The following NCOA3 variants were observed in gnomAD, a reference collection of about 807,000 sequenced individuals.
NCOA3 encodes nuclear receptor coactivator 3, also known as CBP-interacting protein.
In NCOA3, 51 loss-of-function variants were observed where a neutral mutation model predicts 158.8. The observed-to-expected ratio is 0.32, with a 90% CI of 0.26 to 0.41. The LOEUF is 0.41. NCOA3 is among the 10% of genes least tolerant of loss of function. NCOA3 has a pLI of 1.00. For missense variants in NCOA3, 1,510 were observed against 1,746.6 expected, an observed-to-expected ratio of 0.86 and a Z score of 2.41; for synonymous variants, 537 against 592.4, an observed-to-expected ratio of 0.91 and a Z score of 1.36.
intron 1 of NCOA3, among the ~76,000 whole-genome samples, chr20:47,552,907 T>A (rs1269676862): frequency 6.6e-6 from 1 of 151,270 alleles, no homozygotes; most frequent in Non-Finnish European, 1.5e-5. Context: ...AACAAAAACA[T>A]GCTTTTCAAA....
chr20:47,523,018 G>A (rs191429122), intron 1 of NCOA3, among the ~76,000 whole-genome samples: 1 of 151,992 alleles, frequency 6.6e-6, no homozygotes, highest in African/African-American at 2.4e-5. Context: ...GTGAAACCCC[G>A]TCTCTACTAA....
rs2086866819 is a variant in NCOA3 at position 47,656,011 on chromosome 20, G to T, written c.*2594G>T. The T allele has an allele frequency of 1.3e-5, 2 of 151,576 alleles. No homozygotes were observed. The highest frequency in any genetic ancestry group is 4.2e-4 in the South Asian group (2 of 4,800). The allele number at this position is 151,576 out of a possible 1,614,324, so 9.4% of individuals were successfully genotyped here. A position where few individuals can be genotyped will look rare whatever the true frequency, so the allele number is the denominator to read the frequency against. ...TTAGGTAATTCTTTGTACTCCTGCT[G>T]TCTACCTCTCCTCACACCCCAGCAC... On this transcript the variant is annotated 3_prime_UTR_variant, in exon 23 of 23. Coordinates refer to ENST00000371998, the MANE Select transcript of NCOA3 (RefSeq NM_181659.3).
intron 1 of NCOA3, among the ~76,000 whole-genome samples, chr20:47,511,105 C>T (rs2084116030): frequency 6.6e-6 from 1 of 152,040 alleles, no homozygotes; most frequent in Non-Finnish European, 1.5e-5. Context: ...ACTCATATCA[C>T]TTCAGTACAA....
chr20:47,534,455 T>C (rs1384291235), intron 1 of NCOA3, among the ~76,000 whole-genome samples: 2 of 152,320 alleles, frequency 1.3e-5, no homozygotes, highest in South Asian at 2.1e-4. Context: ...ATCCTTTTAC[T>C]GGATCATGCT....
chr20:47,612,055 G>A (rs1425466430), intron 2 of NCOA3, among the ~76,000 whole-genome samples: 2 of 152,108 alleles, frequency 1.3e-5, no homozygotes, highest in East Asian at 1.9e-4. Context: ...TTGAAGTCCC[G>A]GGTTCAAGCT....
intron 2 of NCOA3, among the ~76,000 whole-genome samples, chr20:47,609,199 C>T (rs73910900): frequency 0.012 from 1,809 of 152,128 alleles, 40 homozygotes; most frequent in African/African-American, 0.042. Context: ...TCCTTGAAGG[C>T]AAAAAAATTC....
At position 47,639,915 on chromosome 20, in the gene NCOA3, G is replaced by T. The variant is rs759630682; in HGVS notation, c.2954-10G>T. On this transcript the variant is annotated splice_polypyrimidine_tract_variant and intron_variant, in intron 15 of 22. Coordinates refer to ENST00000371998, the MANE Select transcript of NCOA3 (RefSeq NM_181659.3). ...ATTTGAGAATTTGTGCTTTCTTTTT[G>T]CTCCCCCAGGGCCTGGTGAAATCCC... is the stretch of plus-strand genomic sequence containing the variant. The T allele has an allele frequency of 1.9e-6, 3 of 1,613,298 alleles. No homozygotes were observed. In the South Asian group the frequency reaches 3.3e-5, roughly 18 times the overall value.
chr20:47,624,020 A>C lies in NCOA3; in HGVS notation c.193A>C (p.Lys65Gln). 1 of 1,613,352 alleles carries C rather than the reference A, an allele frequency of 6.2e-7. No homozygotes were observed. The highest frequency in any genetic ancestry group is 8.5e-7 in the Non-Finnish European group (1 of 1,179,716). Reference protein sequence around the residue: ...NLSDIDNFNVKPDKCAILKET... With the variant: ...NLSDIDNFNVQPDKCAILKET... The stretch of plus-strand genomic sequence containing the variant: ...TAGTGATATTGACAATTTCAATGTC[A>C]AACCAGATAAATGTGCGATTTTAAA... Residue 65 changes from lysine (K) to glutamine (Q), a missense_variant, in exon 4 of 23, where the codon AAA becomes CAA. Physicochemically the swap from Lys to Gln is moderately conservative, Grantham distance 53 (BLOSUM62 1). Transcript: ENST00000371998.
intron 2 of NCOA3, among the ~76,000 whole-genome samples, chr20:47,611,845 C>G (rs2086049746): frequency 6.6e-6 from 1 of 151,930 alleles, no homozygotes; most frequent in African/African-American, 2.4e-5. Flanking sequence ...CCCTCCAGAC[C>G]AGGGTCTCAC....
chr20:47,511,088 A>G (rs1602318375), intron 1 of NCOA3, among the ~76,000 whole-genome samples: 1 of 152,076 alleles, frequency 6.6e-6, no homozygotes, highest in Admixed American at 6.6e-5. Flanking sequence ...TGCACAATCA[A>G]TCAGGTACTC....
At chr20:47,504,769 A>G (rs1026766981) in intron 1 of NCOA3, among the ~76,000 whole-genome samples, 1 of 150,764 alleles carries the variant, frequency 6.6e-6, no homozygotes, top group African/African-American at 2.4e-5. Context: ...GCACCACTGC[A>G]CTCCAGCCTG....
chr20:47,515,274 T>C (rs1256781026), intron 1 of NCOA3, among the ~76,000 whole-genome samples: 1 of 151,752 alleles, frequency 6.6e-6, no homozygotes, highest in Non-Finnish European at 1.5e-5. Flanking sequence ...ACAATTCTCC[T>C]GCCTCAGCCT....
At chr20:47,600,207 C>G (rs1291049919) in intron 2 of NCOA3, among the ~76,000 whole-genome samples, 1 of 149,196 alleles carries the variant, frequency 6.7e-6, no homozygotes, top group Non-Finnish European at 1.5e-5. Context: ...TGGAGTCTTG[C>G]TGTGTTGCCC....
intron 2 of NCOA3, among the ~76,000 whole-genome samples, chr20:47,590,157 A>G (rs1289388076): frequency 6.6e-6 from 1 of 152,176 alleles, no homozygotes; most frequent in Non-Finnish European, 1.5e-5. Context: ...TATTATAATT[A>G]TATGACATTA....
intron 13 of NCOA3, among the ~76,000 whole-genome samples, chr20:47,638,013 T>C (rs2086543901): frequency 6.6e-6 from 1 of 152,242 alleles, no homozygotes; most frequent in African/African-American, 2.4e-5. Flanking sequence ...ATGCCAGTAA[T>C]CATGGCACTT....
intron 1 of NCOA3, among the ~76,000 whole-genome samples, chr20:47,506,147 G>A (rs985146235): frequency 1.3e-5 from 2 of 152,042 alleles, no homozygotes; most frequent in Admixed American, 6.6e-5. Context: ...GTTGGGGAGG[G>A]GTTACAAAAT....
Position 47,636,261 on chromosome 20 carries a change from T to TA in NCOA3, c.1876dup (p.Thr626AsnfsTer5). On this transcript the variant is annotated frameshift_variant, in exon 12 of 23. Coordinates refer to ENST00000371998, the MANE Select transcript of NCOA3 (RefSeq NM_181659.3). LOFTEE classifies it high-confidence loss of function. ...GTCATAAAAAATTACTGCAGTTACTTACCTGTTCTTCTGATGACCGGGGTC... is the reference window on the plus strand; with the variant it reads ...GTCATAAAAAATTACTGCAGTTACTTAACCTGTTCTTCTGATGACCGGGGTC... 6.2e-7 allele frequency: 1 copy of TA among 1,614,148 alleles called. No homozygotes were observed. Among genetic ancestry groups the TA allele is most frequent in the Middle Eastern group, 1.6e-4 (1 of 6,062 alleles).
intron 1 of NCOA3, among the ~76,000 whole-genome samples, chr20:47,524,172 G>A (rs1209306777): frequency 3.3e-5 from 5 of 152,202 alleles, no homozygotes; most frequent in Non-Finnish European, 5.9e-5. Context: ...CCTACAGCCT[G>A]ATTTCTACTA....
In NCOA3 at chr20:47,651,135, C is replaced by T. The variant is rs75561226; in HGVS notation, c.3805C>T (p.Gln1269Ter). 1 of 1,612,340 alleles carries T rather than the reference C, an allele frequency of 6.2e-7. No individual in the cohort carries two copies. Among genetic ancestry groups the T allele is most frequent in the Non-Finnish European group, 8.5e-7 (1 of 1,178,674 alleles). The change falls in exon 20 of 23, where the codon CAG (glutamine) becomes TAG (stop). Residue 1269 changes from glutamine to a stop codon, truncating the protein, a stop_gained. Transcript: ENST00000371998. LOFTEE classifies it high-confidence loss of function. ...GCAGCAGCAGCAACAGCAACAGCAA[C>T]AGCAACAGCAGCAACAGCAGCAAAC... ...QQQQQQQQQQQQQQQQQQTQA... is the reference protein window; with the variant it reads ...QQQQQQQQQQ
Sources: gnomAD v4.1 joint callset for allele counts (sites outside exome capture counted in the v4.1 genomes callset) on GRCh38, gnomAD v4.1.1 for gene constraint, MANE v1.5 for transcripts, NCBI Gene and HGNC (gene_info 2026-07-23, HGNC 2026-07-21) for gene names.